NBEAL1: variants seen among roughly 807,000 people sequenced by gnomAD.
NBEAL1 encodes the protein neurobeachin-like protein 1.
In NBEAL1, 273 loss-of-function variants were observed where a neutral mutation model predicts 351.3. The ratio of observed to expected loss-of-function variants is 0.78; its 90% CI spans 0.70 to 0.86. NBEAL1 has a LOEUF of 0.86. Among genes scored for constraint, NBEAL1 ranks in the 40% least tolerant of loss-of-function variants. The pLI is 0.00. For synonymous variants in NBEAL1, 1,050 were observed against 1,086.4 expected (o/e 0.97, Z 0.66); for missense variants, 2,961 against 3,201.3 (o/e 0.92, Z 1.81).
intron 28 of NBEAL1, 45 bp from the exon 29 acceptor site, chr2:203,136,554 A>T: frequency 7.2e-7 from 1 of 1,391,776 alleles, no homozygotes; most frequent in Middle Eastern, 2.5e-4. Context: ...TGCTTTGAAC[A>T]ACTACACCCT....
intron 43 of NBEAL1, chr2:203,181,577 G>A (rs1317528668): frequency 6.6e-6 from 1 of 151,992 alleles, no homozygotes; most frequent in Non-Finnish European, 1.5e-5. Context: ...TTTTATTATT[G>A]GTGTTCTTTA....
chr2:203,054,485 G>A (rs186258788), intron 4 of NBEAL1, among the ~76,000 whole-genome samples: 1 of 151,736 alleles, frequency 6.6e-6, no homozygotes, highest in Non-Finnish European at 1.5e-5. Context: ...CCCAGGCTAA[G>A]TCTCGAATTC....
chr2:203,015,567 T>C (rs2060664596), intron 1 of NBEAL1, among the ~76,000 whole-genome samples: 1 of 152,014 alleles, frequency 6.6e-6, no homozygotes, highest in Non-Finnish European at 1.5e-5. Context: ...TTCAAGCAAT[T>C]CTCCTGCCTC....
chr2:203,069,677 A>G (rs955030584), intron 7 of NBEAL1, among the ~76,000 whole-genome samples: 12 of 152,142 alleles, frequency 7.9e-5, no homozygotes, highest in Non-Finnish European at 1.8e-4. Flanking sequence ...TTGGAGAGAG[A>G]TGCGGTCTCA....
In NBEAL1 at chr2:203,136,221, G is replaced by A. The variant is rs1314802606; in HGVS notation, c.4358G>A (p.Ser1453Asn). ...ESSITNDMGF[S>N]DDFSLLESQE... ...AGCATCACAAATGATATGGGCTTTA[G>A]TGATGACTTCTCTTTACTTGAAAGC... Residue 1453 changes from serine (S) to asparagine (N), a missense_variant, in exon 28 of 56, where the codon AGT becomes AAT. Coordinates refer to ENST00000683969, the MANE Select transcript of NBEAL1 (RefSeq NM_001378026.1). 2 of 1,589,602 alleles carry A rather than the reference G, an allele frequency of 1.3e-6. No individual in the cohort carries two copies. Among genetic ancestry groups the A allele is most frequent in the Non-Finnish European group, 1.7e-6 (2 of 1,172,730 alleles).
At chr2:203,125,574 G>A in intron 20 of NBEAL1, 54 bp downstream of exon 20, 2 of 1,317,126 alleles carry the variant, frequency 1.5e-6, no homozygotes, top group South Asian at 2.3e-5. Context: ...AGAATTAATT[G>A]AGAAATAAAT....
chr2:203,088,940 G>A (rs987982977), intron 10 of NBEAL1, among the ~76,000 whole-genome samples: 5 of 152,208 alleles, frequency 3.3e-5, no homozygotes, highest in African/African-American at 1.2e-4. Context: ...GTGTGTGGGT[G>A]TATAGGTTTC....
Position 203,175,228 on chromosome 2 carries a change from G to T in NBEAL1, c.6405G>T (p.Met2135Ile). 6.2e-7 allele frequency: 1 copy of T among 1,613,942 alleles called. No homozygotes were observed. The highest frequency in any genetic ancestry group is 8.5e-7 in the Non-Finnish European group (1 of 1,179,908). Residue 2135 changes from methionine to isoleucine, a missense_variant, in exon 42 of 56, where the codon ATG becomes ATT. Transcript: ENST00000683969. ...GTHYSNSAGV[M>I]HYLIRVEPFT... ...ACTATTCAAATTCTGCGGGGGTCAT[G>T]CACTATCTCATTCGTGTAGAACCGT...
intron 3 of NBEAL1, among the ~76,000 whole-genome samples, chr2:203,047,858 C>T (rs2061254651): frequency 6.6e-6 from 1 of 150,984 alleles, no homozygotes; most frequent in African/African-American, 2.4e-5. Context: ...ATCCTCCTGC[C>T]TTAGCCTCCA....
At position 203,209,329 on chromosome 2, in the gene NBEAL1, G is replaced by C. The variant is rs373170496; in HGVS notation, c.7785+7G>C. The stretch of plus-strand genomic sequence containing the variant: ...AGAAAAGACCACCCTCAAGGTATAT[G>C]ACCTTTCATGCAATAGAGGTAGACT... On this transcript the variant is annotated splice_region_variant and intron_variant, in intron 53 of 55. Coordinates refer to ENST00000683969, the MANE Select transcript of NBEAL1 (RefSeq NM_001378026.1). The C allele has an allele frequency of 5.6e-6, 9 of 1,609,058 alleles. No individual in the cohort carries two copies. In the African/African-American group the frequency reaches 1.2e-4, roughly 22 times the overall value.
At chr2:203,080,827 C>T (rs1255724709) in intron 8 of NBEAL1, among the ~76,000 whole-genome samples, 4 of 152,146 alleles carry the variant, frequency 2.6e-5, no homozygotes, top group Non-Finnish European at 5.9e-5. Flanking sequence ...ATTATTTCCC[C>T]ATTTCTATCA....
At chr2:203,179,983 A>G (rs956275671) in intron 42 of NBEAL1, among the ~76,000 whole-genome samples, 4 of 152,164 alleles carry the variant, frequency 2.6e-5, no homozygotes, top group Admixed American at 1.3e-4. Context: ...CATGTTGGCC[A>G]GGCTGGTCTT....
chr2:203,072,061 C>T (rs2061693085), intron 7 of NBEAL1, among the ~76,000 whole-genome samples: 1 of 152,198 alleles, frequency 6.6e-6, no homozygotes, highest in Non-Finnish European at 1.5e-5. Flanking sequence ...ACCTGTGGTC[C>T]TACCCTTTGA....
chr2:203,125,187 C>A (rs188455132), intron 19 of NBEAL1, among the ~76,000 whole-genome samples, 165 bp from the exon 20 acceptor site: 301 of 152,266 alleles, frequency 2.0e-3, no homozygotes, highest in African/African-American at 5.4e-3. Context: ...ACCCTTGAGG[C>A]TGCCCTGTAA....
intron 42 of NBEAL1, 23 bp downstream of exon 42, chr2:203,175,310 AT>A: frequency 1.2e-6 from 2 of 1,612,262 alleles, no homozygotes; most frequent in Non-Finnish European, 1.7e-6. Context: ...TAAATAAGCT[AT>A]TTTTTTATGA....
chr2:203,206,050 A>G (rs1254112319), intron 51 of NBEAL1, among the ~76,000 whole-genome samples: 1 of 152,248 alleles, frequency 6.6e-6, no homozygotes, highest in African/African-American at 2.4e-5. Context: ...AAAGCACGCT[A>G]AAGACATGAA....
chr2:203,172,137 T>C (rs1205275334), intron 40 of NBEAL1, 114 bp downstream of exon 40: 2 of 476,694 alleles, frequency 4.2e-6, no homozygotes, highest in Admixed American at 4.2e-5. Context: ...ACTTTGGCCT[T>C]TCTGTATGTT....
chr2:203,102,645 C>T (rs1160809739), intron 12 of NBEAL1, among the ~76,000 whole-genome samples: 2 of 152,190 alleles, frequency 1.3e-5, no homozygotes, highest in East Asian at 3.8e-4. Flanking sequence ...CATTGCATCC[C>T]ATGGATAAAG....
chr2:203,140,784 C>T (rs1477223596), intron 31 of NBEAL1, among the ~76,000 whole-genome samples: 2 of 152,188 alleles, frequency 1.3e-5, no homozygotes, highest in East Asian at 3.9e-4. Context: ...TGCCTGTAAT[C>T]CCAGCTCTTT....
Sources: gnomAD v4.1 joint callset for allele counts (sites outside exome capture counted in the v4.1 genomes callset) on GRCh38, gnomAD v4.1.1 for gene constraint, MANE v1.5 for transcripts, NCBI Gene and HGNC (gene_info 2026-07-23, HGNC 2026-07-21) for gene names.